The following ST18 variants were observed in gnomAD, a reference collection of about 807,000 sequenced individuals.
ST18 encodes ST18 C2H2C-type zinc finger transcription factor.
A neutral mutation model predicts 110.0 loss-of-function variants in ST18; 50 were observed. That is an observed-to-expected ratio of 0.45 (90% CI 0.36 to 0.58). ST18 has a LOEUF of 0.58. ST18 is among the 20% of genes least tolerant of loss of function. The pLI is 0.00. For synonymous variants in ST18, 461 were observed against 452.4 expected (o/e 1.02, Z -0.24); for missense variants, 1,306 against 1,280.1 (o/e 1.02, Z -0.31).
intron 2 of ST18, among the ~76,000 whole-genome samples, chr8:52,357,681 ATATATAT>A (rs1564568023): frequency 1.1e-4 from 2 of 19,026 alleles, no homozygotes; most frequent in African/African-American, 4.1e-4. Flanking sequence ...CTATAAATAT[ATATATAT>A]ATATATATAT....
At chr8:52,334,254 C>A (rs1590002682) in intron 2 of ST18, among the ~76,000 whole-genome samples, 1 of 152,158 alleles carries the variant, frequency 6.6e-6, no homozygotes, top group East Asian at 1.9e-4. Context: ...CATAAATAAA[C>A]AAATTTTCAC....
At chr8:52,322,170 T>C (rs183068023) in intron 2 of ST18, among the ~76,000 whole-genome samples, 1 of 152,330 alleles carries the variant, frequency 6.6e-6, no homozygotes, top group African/African-American at 2.4e-5. Context: ...GAGAAAAGCA[T>C]GAAGCTGGTA....
intron 2 of ST18, among the ~76,000 whole-genome samples, chr8:52,357,730 TAA>T (rs1454440625): frequency 1.4e-4 from 12 of 86,820 alleles, no homozygotes; most frequent in South Asian, 7.3e-4. Flanking sequence ...TATATATATA[TAA>T]AACAGACTCA....
Position 52,161,416 on chromosome 8 carries a change from A to G in ST18, c.1553T>C (p.Ile518Thr), listed in dbSNP as rs778846041. ...TGTTTTTCGTCCTTGCACTGTTTGT[A>G]TGAGAGGGCGTTTACCGAAAACTTG... ...DAQVFGKRPL[I>T]QTVQGRKTPP... The change falls in exon 14 of 26, where the codon ATA (isoleucine) becomes ACA (threonine). Residue 518 changes from isoleucine to threonine, a missense_variant. Transcript: ENST00000689386. 2 of 1,614,202 alleles carry G rather than the reference A, an allele frequency of 1.2e-6. No homozygotes were observed. Among genetic ancestry groups the G allele is most frequent in the East Asian group, 2.2e-5 (1 of 44,874 alleles).
In ST18 at chr8:52,336,664, G is replaced by C. The variant is rs1056729734; in HGVS notation, c.-465+72664C>G. ...TCTATTCCCAAGTGAGGTTGGGTGA[G>C]ATGGGAAGCGGGTAGACCTAGTGAC... On this transcript the variant is annotated intron_variant, in intron 2 of 25. Transcript: ENST00000689386. 5.3e-4 allele frequency among the ~76,000 whole-genome samples: 81 copies of C among 152,216 alleles called. 1 individual carries two copies. The highest frequency in any genetic ancestry group is 1.9e-3 in the African/African-American group (79 of 41,452).
At chr8:52,322,330 T>C (rs564348367) in intron 2 of ST18, among the ~76,000 whole-genome samples, 1 of 152,300 alleles carries the variant, frequency 6.6e-6, no homozygotes, top group East Asian at 1.9e-4. Flanking sequence ...TTTATCTACT[T>C]AAGCTAGTTC....
At chr8:52,249,195 T>C (rs769183960) in intron 2 of ST18, among the ~76,000 whole-genome samples, 8 of 152,108 alleles carry the variant, frequency 5.3e-5, no homozygotes, top group Non-Finnish European at 1.2e-4. Context: ...AAAACAACAA[T>C]AACAACAAAA....
At chr8:52,351,857 G>T (rs939122259) in intron 2 of ST18, among the ~76,000 whole-genome samples, 1 of 152,150 alleles carries the variant, frequency 6.6e-6, no homozygotes, top group South Asian at 2.1e-4. Context: ...GAATCTAAAG[G>T]TTGGGTAGAA....
At chr8:52,377,464 A>G (rs1325807346) in intron 2 of ST18, among the ~76,000 whole-genome samples, 2 of 152,250 alleles carry the variant, frequency 1.3e-5, no homozygotes, top group Non-Finnish European at 2.9e-5. Context: ...GTTGTGGTTC[A>G]TGAGGGTAGT....
chr8:52,293,381 A>T (rs183859637), intron 2 of ST18, among the ~76,000 whole-genome samples: 1 of 152,360 alleles, frequency 6.6e-6, no homozygotes, highest in African/African-American at 2.4e-5. Flanking sequence ...TCATGTGCAC[A>T]GCACATGTGC....
At chr8:52,173,538 T>G (rs1347931831) in intron 9 of ST18, among the ~76,000 whole-genome samples, 3 of 152,076 alleles carry the variant, frequency 2.0e-5, no homozygotes, top group African/African-American at 7.2e-5. Flanking sequence ...ACAGAGTGTA[T>G]AGACAACAAT....
intron 15 of ST18, among the ~76,000 whole-genome samples, chr8:52,151,788 A>T (rs1013300881): frequency 1.3e-5 from 2 of 152,228 alleles, no homozygotes; most frequent in Admixed American, 6.5e-5. Flanking sequence ...AAAAAAATAA[A>T]AAAAAACTTG....
At chr8:52,351,544 A>T (rs1820349116) in intron 2 of ST18, among the ~76,000 whole-genome samples, 1 of 152,224 alleles carries the variant, frequency 6.6e-6, no homozygotes. Context: ...ACATAACAGC[A>T]TCTTTTCTAT....
chr8:52,367,093 G>A (rs986223687), intron 2 of ST18, among the ~76,000 whole-genome samples: 2 of 152,242 alleles, frequency 1.3e-5, no homozygotes, highest in African/African-American at 2.4e-5. Context: ...TTAGCTGGGC[G>A]TGGTGGTGCA....
intron 8 of ST18, among the ~76,000 whole-genome samples, chr8:52,187,795 C>G (rs1213062568): frequency 1.3e-5 from 2 of 152,108 alleles, no homozygotes; most frequent in African/African-American, 4.8e-5. Flanking sequence ...GGCCTAATTA[C>G]CCAATACATA....
At chr8:52,183,926 CAG>C (rs1017991854) in intron 8 of ST18, among the ~76,000 whole-genome samples, 3 of 152,174 alleles carry the variant, frequency 2.0e-5, no homozygotes, top group African/African-American at 4.8e-5. Flanking sequence ...ACCCACGGCC[CAG>C]GCAGCATTTG....
At chr8:52,210,016 A>G (rs2081597571) in intron 8 of ST18, 7 of 454,450 alleles carry the variant, frequency 1.5e-5, no homozygotes, top group South Asian at 1.1e-4. Context: ...GTTGTTTTCA[A>G]GAAACGTCAC....
chr8:52,308,654 G>A (rs1290178199), intron 2 of ST18, among the ~76,000 whole-genome samples: 1 of 152,332 alleles, frequency 6.6e-6, no homozygotes, highest in Admixed American at 6.5e-5. Context: ...TTCCTGAAAG[G>A]AGAACTGTGT....
intron 2 of ST18, among the ~76,000 whole-genome samples, chr8:52,250,845 A>T (rs770135269): frequency 6.6e-6 from 1 of 152,098 alleles, no homozygotes; most frequent in Non-Finnish European, 1.5e-5. Flanking sequence ...GTTAAAAAAA[A>T]ATCCTCCAAT....
Sources: gnomAD v4.1 joint callset for allele counts (sites outside exome capture counted in the v4.1 genomes callset) on GRCh38, gnomAD v4.1.1 for gene constraint, MANE v1.5 for transcripts, NCBI Gene and HGNC (gene_info 2026-07-23, HGNC 2026-07-21) for gene names.